SLC9A9: variants seen among roughly 807,000 people sequenced by gnomAD.
SLC9A9 encodes the protein sodium/hydrogen exchanger 9.
A neutral mutation model predicts 77.8 loss-of-function variants in SLC9A9; 62 were observed. That is an observed-to-expected ratio of 0.80 (90% CI 0.65 to 0.98). The LOEUF (loss-of-function observed/expected upper bound fraction) is 0.98. Ranked by LOEUF, SLC9A9 falls within the 50% of genes least tolerant of loss-of-function variation. SLC9A9 has a pLI of 0.00. For synonymous variants in SLC9A9, 320 were observed against 283.5 expected, an observed-to-expected ratio of 1.13 and a Z score of -1.29; for missense variants, 775 against 774.9, an observed-to-expected ratio of 1.00 and a Z score of 0.00.
At chr3:143,575,541 A>G (rs2037343489) in intron 7 of SLC9A9, among the ~76,000 whole-genome samples, 1 of 152,156 alleles carries the variant, frequency 6.6e-6, no homozygotes, top group African/African-American at 2.4e-5. Context: ...CTTTTTGGGA[A>G]ATAGAATCAG....
chr3:143,544,744 A>G (rs747438762), intron 9 of SLC9A9, among the ~76,000 whole-genome samples: 1 of 152,068 alleles, frequency 6.6e-6, no homozygotes, highest in Non-Finnish European at 1.5e-5. Context: ...CCTTTCCCAA[A>G]ACTGATGTCC....
At chr3:143,369,353 G>A (rs2032991053) in intron 13 of SLC9A9, among the ~76,000 whole-genome samples, 1 of 152,206 alleles carries the variant, frequency 6.6e-6, no homozygotes, top group Non-Finnish European at 1.5e-5. Flanking sequence ...AAGGGTAGTT[G>A]TGAGGGGAGG....
chr3:143,345,763 A>C (rs141354243), intron 14 of SLC9A9, among the ~76,000 whole-genome samples: 1 of 152,178 alleles, frequency 6.6e-6, no homozygotes, highest in South Asian at 2.1e-4. Context: ...TGTTGCCTTC[A>C]TCTCTGGTTA....
chr3:143,740,566 T>C (rs1935051673), intron 4 of SLC9A9, among the ~76,000 whole-genome samples: 1 of 152,292 alleles, frequency 6.6e-6, no homozygotes, highest in Middle Eastern at 3.4e-3. Context: ...ATAAAATAAG[T>C]CCATTAAAAA....
intron 6 of SLC9A9, among the ~76,000 whole-genome samples, chr3:143,598,215 G>A (rs1219565992): frequency 6.6e-6 from 1 of 152,092 alleles, no homozygotes; most frequent in East Asian, 1.9e-4. Flanking sequence ...CCACTGCTCT[G>A]TAATAAGTAG....
intron 6 of SLC9A9, among the ~76,000 whole-genome samples, chr3:143,633,957 C>A (rs569658866): frequency 6.6e-6 from 1 of 152,296 alleles, no homozygotes; most frequent in South Asian, 2.1e-4. Flanking sequence ...TTAAAACACC[C>A]AAACTGTTGC....
At chr3:143,766,982 G>A (rs1387759090) in intron 4 of SLC9A9, among the ~76,000 whole-genome samples, 1 of 152,144 alleles carries the variant, frequency 6.6e-6, no homozygotes, top group Admixed American at 6.6e-5. Flanking sequence ...GGTAATCATG[G>A]CCACAATTGC....
chr3:143,494,444 C>T (rs1325600510), intron 10 of SLC9A9, among the ~76,000 whole-genome samples: 3 of 152,190 alleles, frequency 2.0e-5, no homozygotes, highest in Non-Finnish European at 4.4e-5. Context: ...AGTTAACTTC[C>T]TTTTAAAATC....
intron 4 of SLC9A9, among the ~76,000 whole-genome samples, chr3:143,726,267 A>G (rs924216674): frequency 6.6e-6 from 1 of 151,580 alleles, no homozygotes; most frequent in African/African-American, 2.4e-5. Flanking sequence ...AAAAAAAAAG[A>G]AACACAGTTC....
intron 14 of SLC9A9, among the ~76,000 whole-genome samples, chr3:143,321,995 G>T (rs1196948001): frequency 6.6e-6 from 1 of 152,142 alleles, no homozygotes; most frequent in Non-Finnish European, 1.5e-5. Context: ...ATCTCAGTTT[G>T]GCAAAAAGGG....
intron 5 of SLC9A9, among the ~76,000 whole-genome samples, chr3:143,687,569 G>T (rs1286029412): frequency 3.3e-5 from 5 of 152,114 alleles, no homozygotes; most frequent in Non-Finnish European, 5.9e-5. Context: ...TGGAACCTCA[G>T]AATATAGTTA....
chr3:143,653,713 G>A (rs1211288069), intron 5 of SLC9A9, among the ~76,000 whole-genome samples: 1 of 152,156 alleles, frequency 6.6e-6, no homozygotes, highest in Admixed American at 6.5e-5. Flanking sequence ...TGGACACATG[G>A]CTGGAGGCTT....
intron 8 of SLC9A9, among the ~76,000 whole-genome samples, chr3:143,568,508 G>A (rs994984669): frequency 2.6e-5 from 4 of 152,108 alleles, no homozygotes; most frequent in African/African-American, 9.7e-5. Flanking sequence ...GGAAAATAAG[G>A]TTACAGATTA....
chr3:143,725,997 C>T (rs564145326), intron 4 of SLC9A9, among the ~76,000 whole-genome samples: 1 of 151,720 alleles, frequency 6.6e-6, no homozygotes, highest in African/African-American at 2.4e-5. Context: ...ACCACATAGC[C>T]TTATGTATTC....
chr3:143,344,607 T>G (rs2032204939), intron 14 of SLC9A9: 1 of 152,236 alleles, frequency 6.6e-6, no homozygotes. Flanking sequence ...AAGGCATTAG[T>G]CCATTTGGAC....
intron 6 of SLC9A9, among the ~76,000 whole-genome samples, chr3:143,644,002 T>C (rs1576630171): frequency 6.7e-6 from 1 of 149,156 alleles, no homozygotes; most frequent in Admixed American, 6.7e-5. Flanking sequence ...AGCCTGGAGA[T>C]GCCATTAGTC....
At chr3:143,609,546 G>A (rs367728570) in intron 6 of SLC9A9, among the ~76,000 whole-genome samples, 6 of 152,142 alleles carry the variant, frequency 3.9e-5, no homozygotes, top group African/African-American at 1.2e-4. Flanking sequence ...TTAATTCAGA[G>A]AACTGAGAGA....
chr3:143,676,524 G>C (rs1207061247), intron 5 of SLC9A9, among the ~76,000 whole-genome samples: 1 of 152,090 alleles, frequency 6.6e-6, no homozygotes, highest in Non-Finnish European at 1.5e-5. Context: ...GGATCATGAG[G>C]TCAGGAGAGC....
intron 2 of SLC9A9, among the ~76,000 whole-genome samples, chr3:143,821,833 CTA>C (rs987915537): frequency 1.4e-4 from 22 of 152,214 alleles, no homozygotes. Flanking sequence ...TTTACTCCAA[CTA>C]TGTGTTAACT....
Sources: allele counts gnomAD v4.1 joint callset (sites outside exome capture counted in the v4.1 genomes callset), GRCh38; gene constraint gnomAD v4.1.1; transcripts MANE v1.5; gene names NCBI Gene and HGNC (gene_info 2026-07-23, HGNC 2026-07-21).